Variants in DLG2 observed in about 807,000 individuals in gnomAD.
DLG2 encodes disks large homolog 2.
A neutral mutation model predicts 132.5 loss-of-function variants in DLG2; 45 were observed. The ratio of observed to expected loss-of-function variants is 0.34; its 90% CI spans 0.27 to 0.44. DLG2 has a LOEUF of 0.44. Among genes scored for constraint, DLG2 ranks in the 20% least tolerant of loss-of-function variants. The pLI is 1.00. For missense variants in DLG2, 1,045 were observed against 1,196.9 expected (o/e 0.87, Z 1.87); for synonymous variants, 424 against 419.6 (o/e 1.01, Z -0.13).
intron 7 of DLG2, among the ~76,000 whole-genome samples, chr11:84,476,036 T>C (rs1340847052): frequency 1.3e-5 from 2 of 152,140 alleles, no homozygotes; most frequent in East Asian, 3.9e-4. Flanking sequence ...TATATAATTC[T>C]TTATGCACCC....
chr11:83,489,541 T>G (rs1291562781), intron 21 of DLG2, among the ~76,000 whole-genome samples: 9 of 151,918 alleles, frequency 5.9e-5, no homozygotes, highest in Admixed American at 5.9e-4. Flanking sequence ...ATGAGCCAAT[T>G]TGGCCCTGAA....
At chr11:84,120,344 G>T (rs915991779) in intron 9 of DLG2, among the ~76,000 whole-genome samples, 1 of 152,120 alleles carries the variant, frequency 6.6e-6, no homozygotes, top group Non-Finnish European at 1.5e-5. Context: ...CTGCTATCTT[G>T]TCTACCCCAT....
At chr11:84,981,037 G>T (rs1055822588) in intron 6 of DLG2, among the ~76,000 whole-genome samples, 1 of 152,094 alleles carries the variant, frequency 6.6e-6, no homozygotes, top group East Asian at 1.9e-4. Flanking sequence ...TCTGGCTTAT[G>T]AGCTTTTAAA....
rs949238415 is a variant in DLG2 at position 85,120,670 on chromosome 11, C to G, written c.283-8935G>C. Among the ~76,000 whole-genome samples, 13 of 151,804 alleles carry G rather than the reference C, an allele frequency of 8.6e-5. No homozygotes were observed. In the East Asian group the frequency reaches 2.3e-3, roughly 27 times the overall value. Reference sequence around the variant, plus strand: ...TCTCATTGTAAAAGCATGAAGTATGCGAGAGGTAAGCTAAAAAAATTAATA... The same window carrying G: ...TCTCATTGTAAAAGCATGAAGTATGGGAGAGGTAAGCTAAAAAAATTAATA... On this transcript the variant is annotated intron_variant, in intron 5 of 27. Coordinates refer to ENST00000376104, the MANE Select transcript of DLG2 (RefSeq NM_001142699.3).
intron 5 of DLG2, among the ~76,000 whole-genome samples, chr11:85,131,702 C>G (rs1032022567): frequency 6.6e-6 from 1 of 152,094 alleles, no homozygotes; most frequent in Non-Finnish European, 1.5e-5. Context: ...GGAAGATATC[C>G]ATTATGATTT....
intron 7 of DLG2, among the ~76,000 whole-genome samples, chr11:84,329,029 TG>T (rs1205881680): frequency 6.6e-6 from 1 of 152,192 alleles, no homozygotes; most frequent in Non-Finnish European, 1.5e-5. Flanking sequence ...TAAACAAGTG[TG>T]CTCAGTGATT....
chr11:85,155,413 C>T (rs895560354), intron 4 of DLG2, among the ~76,000 whole-genome samples: 1 of 152,176 alleles, frequency 6.6e-6, no homozygotes, highest in Non-Finnish European at 1.5e-5. Context: ...AGACTCCTCA[C>T]AGTTCTTGAG....
intron 7 of DLG2, among the ~76,000 whole-genome samples, chr11:84,395,769 C>A (rs1270266152): frequency 1.3e-5 from 2 of 152,148 alleles, no homozygotes; most frequent in Non-Finnish European, 2.9e-5. Flanking sequence ...ATGATAAAAG[C>A]ATACAATGTT....
chr11:85,366,659 G>A (rs2084574401), intron 3 of DLG2, among the ~76,000 whole-genome samples: 1 of 152,036 alleles, frequency 6.6e-6, no homozygotes, highest in Non-Finnish European at 1.5e-5. Flanking sequence ...CCATATCTCA[G>A]AATTTTTGGG....
At chr11:84,035,973 TTTGGAAAA>T (rs1428910953) in intron 11 of DLG2, among the ~76,000 whole-genome samples, 1 of 152,122 alleles carries the variant, frequency 6.6e-6, no homozygotes, top group Non-Finnish European at 1.5e-5. Flanking sequence ...AAAAGCTGGT[TTTGGAAAA>T]TAAAATTAAG....
At chr11:85,115,451 G>A (rs2073428987) in intron 5 of DLG2, among the ~76,000 whole-genome samples, 1 of 151,876 alleles carries the variant, frequency 6.6e-6, no homozygotes. Flanking sequence ...CTTATTCTAA[G>A]GAGAAAGATA....
chr11:85,382,988 C>T (rs912070829), intron 3 of DLG2, among the ~76,000 whole-genome samples: 4 of 152,000 alleles, frequency 2.6e-5, no homozygotes, highest in Non-Finnish European at 5.9e-5. Context: ...AGTATAGACC[C>T]AAGAGAACTG....
intron 3 of DLG2, among the ~76,000 whole-genome samples, chr11:85,333,026 T>C (rs2081875611): frequency 6.6e-6 from 1 of 152,228 alleles, no homozygotes; most frequent in Non-Finnish European, 1.5e-5. Flanking sequence ...ATTGAATCTT[T>C]ACATTCCTTT....
intron 6 of DLG2, among the ~76,000 whole-genome samples, chr11:84,789,723 C>A (rs906039882): frequency 2.6e-5 from 4 of 151,872 alleles, no homozygotes; most frequent in Non-Finnish European, 4.4e-5. Context: ...CCCCATTAAC[C>A]CTCACTACCC....
At chr11:84,983,594 C>T (rs1268131930) in intron 6 of DLG2, among the ~76,000 whole-genome samples, 1 of 152,110 alleles carries the variant, frequency 6.6e-6, no homozygotes, top group Non-Finnish European at 1.5e-5. Flanking sequence ...GGTTCTTTAA[C>T]ACTCCCCAAA....
At chr11:85,057,008 T>A (rs1226837337) in intron 6 of DLG2, among the ~76,000 whole-genome samples, 1 of 151,840 alleles carries the variant, frequency 6.6e-6, no homozygotes, top group Non-Finnish European at 1.5e-5. Context: ...CAGAAAGGAT[T>A]GGAGGGCCAA....
At chr11:85,285,505 G>A (rs934142367) in intron 3 of DLG2, 140 bp from the exon 4 acceptor site, 2 of 696,976 alleles carry the variant, frequency 2.9e-6, no homozygotes, top group African/African-American at 3.6e-5. Context: ...AAGTAAAACA[G>A]AAGAAATCCT....
chr11:83,483,611 A>AAAC (rs2093301119), intron 22 of DLG2, among the ~76,000 whole-genome samples: 1 of 152,166 alleles, frequency 6.6e-6, no homozygotes, highest in African/African-American at 2.4e-5. Context: ...CTTAAGGAAT[A>AAAC]AACTTCTCCA....
intron 4 of DLG2, among the ~76,000 whole-genome samples, chr11:85,168,666 T>A (rs560669431): frequency 6.6e-6 from 1 of 152,264 alleles, no homozygotes; most frequent in East Asian, 1.9e-4. Context: ...TTATTTTACA[T>A]TTTTCTTTGA....
Sources: allele counts gnomAD v4.1 joint callset (sites outside exome capture counted in the v4.1 genomes callset), GRCh38; gene constraint gnomAD v4.1.1; transcripts MANE v1.5; gene names NCBI Gene and HGNC (gene_info 2026-07-23, HGNC 2026-07-21).